WFDC9: variants seen among roughly 807,000 people sequenced by gnomAD.
The protein encoded by WFDC9 is WAP four-disulfide core domain 9.
Under a neutral mutation model 9.5 loss-of-function variants are expected in WFDC9, and 9 were observed. That is an observed-to-expected ratio of 0.95 (90% confidence interval 0.57 to 1.65). The LOEUF is 1.65. Among genes scored for constraint, WFDC9 ranks in the 40% most tolerant of loss-of-function variants. WFDC9 has a pLI of 0.00. For synonymous variants in WFDC9, 33 were observed against 32.3 expected, an observed-to-expected ratio of 1.02 and a Z score of -0.07; for missense variants, 87 against 106.7, an observed-to-expected ratio of 0.82 and a Z score of 0.81.
chr20:45,627,889 G>A (rs575737931), intron 1 of WFDC9, among the ~76,000 whole-genome samples: 2 of 152,146 alleles, frequency 1.3e-5, no homozygotes, highest in East Asian at 1.9e-4. Flanking sequence ...ATAGCCTAAT[G>A]TATAGTCACT....
Position 45,630,959 on chromosome 20 carries a change from C to G in WFDC9, c.-153+244G>C, listed in dbSNP as rs558574890. 11 of 1,612,372 alleles carry G rather than the reference C, an allele frequency of 6.8e-6. No individual in the cohort carries two copies. In the African/African-American group the frequency reaches 1.2e-4, roughly 18 times the overall value. On this transcript the variant is annotated intron_variant, in intron 1 of 4. Transcript: ENST00000326000. ...CTTATGTGAATCTCACCGAGATTGT[C>G]AAGCAAATAACATATGCTGTTCTAC...
At chr20:45,621,095 G>T (rs1982087813) in intron 1 of WFDC9, among the ~76,000 whole-genome samples, 1 of 152,070 alleles carries the variant, frequency 6.6e-6, no homozygotes, top group South Asian at 2.1e-4. Flanking sequence ...TTGGATGAAT[G>T]AAATATCTTC....
chr20:45,628,697 G>A (rs964025870), intron 1 of WFDC9, among the ~76,000 whole-genome samples: 1 of 152,166 alleles, frequency 6.6e-6, no homozygotes, highest in African/African-American at 2.4e-5. Context: ...GGTGCATAAG[G>A]TGAGATATGG....
intron 4 of WFDC9, 52 bp from the exon 5 acceptor site, chr20:45,608,192 C>T: frequency 6.4e-7 from 1 of 1,569,794 alleles, no homozygotes; most frequent in South Asian, 1.2e-5. Context: ...AAATCCATTT[C>T]TAAAATTAAT....
In WFDC9 at chr20:45,608,290, T is replaced by G. The variant is rs149784791; in HGVS notation, c.240-150A>C. On this transcript the variant is annotated intron_variant, in intron 4 of 4. Transcript: ENST00000326000. ...TTTTAAGCAATTTCCCCCAAGAAGT[T>G]TGCCAACTGAACAGACAGATAGATA... 119 of 954,436 alleles carry G rather than the reference T, an allele frequency of 1.2e-4. 1 individual carries two copies. The East Asian group carries it at 2.8e-3, about 22-fold the overall frequency. 59.1% of individuals were successfully genotyped at this position (954,436 alleles called of 1,614,324 possible).
rs1383196740 is a variant in WFDC9 at position 45,610,277 on chromosome 20, A to G, written c.-58-38T>C. ...GAAAATGGATTGAGGAGAACAGGGT[A>G]AGCAACAGGGGTAAAGTGCTTATGA... is the stretch of plus-strand genomic sequence containing the variant. On this transcript the variant is annotated intron_variant, in intron 2 of 4. Coordinates refer to ENST00000326000, the MANE Select transcript of WFDC9 (RefSeq NM_147198.4). The G allele has an allele frequency of 6.6e-6, 7 of 1,057,950 alleles. No individual in the cohort carries two copies. The East Asian group carries it at 1.5e-4, about 23-fold the overall frequency. 65.5% of individuals were successfully genotyped at this position (1,057,950 alleles called of 1,614,324 possible).
intron 4 of WFDC9, 150 bp downstream of exon 4, chr20:45,608,513 G>T: frequency 1.1e-6 from 1 of 942,898 alleles, no homozygotes; most frequent in Non-Finnish European, 1.6e-6. Flanking sequence ...TTGCAGTGAG[G>T]AGCAGCCTAG....
At chr20:45,609,117 C>T (rs1438831950) in intron 3 of WFDC9, among the ~76,000 whole-genome samples, 2 of 152,126 alleles carry the variant, frequency 1.3e-5, no homozygotes, top group African/African-American at 2.4e-5. Context: ...TCAGGGCCTG[C>T]AATATCCTCT....
intron 1 of WFDC9, among the ~76,000 whole-genome samples, chr20:45,616,598 C>T (rs1056503700): frequency 6.6e-6 from 1 of 152,188 alleles, no homozygotes; most frequent in African/African-American, 2.4e-5. Context: ...AGGGAAATTA[C>T]TATCTATGGT....
intron 3 of WFDC9, 44 bp from the exon 4 acceptor site, chr20:45,608,854 G>A (rs777913195): frequency 6.4e-7 from 1 of 1,559,250 alleles, no homozygotes; most frequent in Non-Finnish European, 8.7e-7. Flanking sequence ...TCACAACTCA[G>A]ACAAGAAACC....
intron 1 of WFDC9, among the ~76,000 whole-genome samples, chr20:45,625,824 T>G (rs1982206488): frequency 7.9e-6 from 1 of 126,720 alleles, no homozygotes; most frequent in Non-Finnish European, 1.7e-5. Flanking sequence ...TTTTTTTTTT[T>G]TTTTTTTTTG....
At chr20:45,625,185 A>G (rs1982189243) in intron 1 of WFDC9, among the ~76,000 whole-genome samples, 1 of 152,130 alleles carries the variant, frequency 6.6e-6, no homozygotes, top group Non-Finnish European at 1.5e-5. Context: ...CAGGAGAGAG[A>G]GCTCATGCAG....
chr20:45,608,103 A>G lies in WFDC9; in HGVS notation c.*7T>C, dbSNP rs370268422. On this transcript the variant is annotated 3_prime_UTR_variant, in exon 5 of 5. Coordinates refer to ENST00000326000, the MANE Select transcript of WFDC9 (RefSeq NM_147198.4). ...TTCAGCCCACAGTAGTGATCGGCCA[A>G]TAGAATCTAGGGGTTTAGCATTGAT... 3 of 1,613,448 alleles carry G rather than the reference A, an allele frequency of 1.9e-6. No homozygotes were observed. The highest frequency in any genetic ancestry group is 2.7e-5 in the African/African-American group (2 of 74,890).
chr20:45,608,795 C>T lies in WFDC9; in HGVS notation c.107G>A (p.Arg36Lys). The T allele has an allele frequency of 6.2e-7, 1 of 1,612,144 alleles. No individual in the cohort carries two copies. ...CTGTACCCAGCACTGCTCAGTTTCT[C>T]TTATCATATCTAGAACTGAGATGGA... ...WNKDPFLDMIRETEQCWVQPP... is the reference protein window; with the variant it reads ...WNKDPFLDMIKETEQCWVQPP... Residue 36 changes from arginine to lysine, a missense_variant, in exon 4 of 5, where the codon AGA becomes AAA. By Grantham distance (26) the Arg-to-Lys change is conservative. Coordinates refer to ENST00000326000, the MANE Select transcript of WFDC9 (RefSeq NM_147198.4).
chr20:45,623,677 G>A (rs1372653573), intron 1 of WFDC9, among the ~76,000 whole-genome samples: 11 of 151,944 alleles, frequency 7.2e-5, no homozygotes, highest in Admixed American at 7.2e-4. Flanking sequence ...ACATATTTAT[G>A]TGATACATAG....
At chr20:45,619,162 T>C (rs1468674614) in intron 1 of WFDC9, among the ~76,000 whole-genome samples, 2 of 152,182 alleles carry the variant, frequency 1.3e-5, no homozygotes, top group Non-Finnish European at 2.9e-5. Flanking sequence ...TATGGATTTC[T>C]AAGATATTTA....
In WFDC9 at chr20:45,614,281, G is replaced by A. The variant is rs73619232; in HGVS notation, c.-59+347C>T. Among the ~76,000 whole-genome samples the A allele has an allele frequency of 1.0e-3, 152 of 152,196 alleles. 1 individual carries two copies. In the East Asian group the frequency reaches 0.026, roughly 27 times the overall value. ...TACTTCTCAACTTCTCATATACAGA[G>A]TGCTGTGAATTTTTTGGTCATCCTG... On this transcript the variant is annotated intron_variant, in intron 2 of 4. Transcript: ENST00000326000.
intron 1 of WFDC9, chr20:45,630,917 C>G: frequency 1.2e-6 from 2 of 1,610,892 alleles, no homozygotes; most frequent in Non-Finnish European, 1.7e-6. Context: ...GCAGCCTAAA[C>G]TATATCTATG....
At chr20:45,627,908 A>T (rs1399675669) in intron 1 of WFDC9, among the ~76,000 whole-genome samples, 1 of 151,950 alleles carries the variant, frequency 6.6e-6, no homozygotes, top group Non-Finnish European at 1.5e-5. Context: ...CTTTTTGTAC[A>T]TGTTTTATTT....
Sources: gnomAD v4.1 joint callset for allele counts (sites outside exome capture counted in the v4.1 genomes callset) on GRCh38, gnomAD v4.1.1 for gene constraint, MANE v1.5 for transcripts, NCBI Gene and HGNC (gene_info 2026-07-23, HGNC 2026-07-21) for gene names.